Variants in POLN observed in about 807,000 individuals in gnomAD.
POLN encodes the protein DNA polymerase nu, also known as DNA polymerase N.
In POLN, 108 loss-of-function variants were observed where a neutral mutation model predicts 113.5. The ratio of observed to expected loss-of-function variants is 0.95; its 90% CI spans 0.81 to 1.12. The LOEUF is 1.12. POLN is among the 50% of genes most tolerant of loss of function. POLN has a pLI of 0.00. For missense variants in POLN, 1,097 were observed against 1,077.1 expected (o/e 1.02, Z -0.26); for synonymous variants, 386 against 391.5 (o/e 0.99, Z 0.17).
At chr4:2,179,569 T>A (rs1474998585) in intron 7 of POLN, 104 bp from the exon 8 acceptor site, 1 of 1,143,726 alleles carries the variant, frequency 8.7e-7, no homozygotes, top group Non-Finnish European at 1.3e-6. Context: ...AGTATTGTCA[T>A]CCTCTCAAAT....
intron 19 of POLN, among the ~76,000 whole-genome samples, chr4:2,121,122 G>C (rs1731428848): frequency 6.6e-6 from 1 of 151,974 alleles, no homozygotes; most frequent in Non-Finnish European, 1.5e-5. Context: ...TAGGGGGAAG[G>C]CATTCTTTCA....
intron 7 of POLN, among the ~76,000 whole-genome samples, chr4:2,184,511 C>T (rs1024158498): frequency 2.6e-5 from 4 of 152,098 alleles, no homozygotes; most frequent in Non-Finnish European, 5.9e-5. Flanking sequence ...TAAGTAAAAA[C>T]CCTGTCATCC....
At chr4:2,159,686 C>G (rs755302523) in intron 13 of POLN, among the ~76,000 whole-genome samples, 11 of 152,204 alleles carry the variant, frequency 7.2e-5, no homozygotes, top group African/African-American at 9.7e-5. Flanking sequence ...CAGCGAGCGA[C>G]GAAACATTCC....
intron 4 of POLN, 138 bp downstream of exon 4, chr4:2,212,909 T>C (rs1734026681): frequency 6.1e-6 from 3 of 492,602 alleles, no homozygotes. Flanking sequence ...CTATAAGTTC[T>C]TGGAGAGCAA....
At chr4:2,240,809 A>G (rs762430176) in intron 2 of POLN, 2 of 1,613,940 alleles carry the variant, frequency 1.2e-6, no homozygotes, top group South Asian at 2.2e-5. Flanking sequence ...GTTCATTCAC[A>G]TTCCCACAAA....
chr4:2,088,680 T>A, intron 20 of POLN: 1 of 840,274 alleles, frequency 1.2e-6, no homozygotes, highest in Non-Finnish European at 1.7e-6. Flanking sequence ...AATAAAAAGC[T>A]GTACAACAGC....
intron 24 of POLN, 151 bp from the exon 25 acceptor site, chr4:2,073,180 G>A (rs552105032): frequency 2.2e-5 from 15 of 696,378 alleles, no homozygotes; most frequent in Non-Finnish European, 3.6e-5. Context: ...CCAGCTGTGG[G>A]ACCTTAATGC....
chr4:2,147,214 G>T (rs1290253541), intron 16 of POLN, among the ~76,000 whole-genome samples: 1 of 152,312 alleles, frequency 6.6e-6, no homozygotes, highest in African/African-American at 2.4e-5. Context: ...TGGCACTGTA[G>T]TGAAATGAGG....
At chr4:2,153,321 A>C (rs1280279300) in intron 16 of POLN, among the ~76,000 whole-genome samples, 2 of 152,240 alleles carry the variant, frequency 1.3e-5, no homozygotes, top group African/African-American at 4.8e-5. Flanking sequence ...TCTAGGCTGC[A>C]ATCATGGGCT....
intron 18 of POLN, 63 bp from the exon 19 acceptor site, chr4:2,128,290 C>T: frequency 1.0e-6 from 1 of 978,266 alleles, no homozygotes; most frequent in South Asian, 1.4e-5. Context: ...GTTTGCTGCG[C>T]ACCCCGGCCA....
intron 21 of POLN, among the ~76,000 whole-genome samples, chr4:2,083,517 G>A (rs1049188213): frequency 2.0e-5 from 3 of 152,214 alleles, no homozygotes; most frequent in African/African-American, 7.2e-5. Flanking sequence ...CTCCCTTGTG[G>A]CCTAAGGCAG....
chr4:2,197,594 A>C (rs1339271234), intron 6 of POLN, among the ~76,000 whole-genome samples: 1 of 152,224 alleles, frequency 6.6e-6, no homozygotes, highest in Non-Finnish European at 1.5e-5. Flanking sequence ...CATCATCCAG[A>C]TATTAGGGCT....
In POLN at chr4:2,117,752, G is replaced by T. The variant is rs115618989; in HGVS notation, c.1982+10361C>A. 3.7e-3 allele frequency among the ~76,000 whole-genome samples: 564 copies of T among 152,322 alleles called. 5 individuals are homozygous for T. Among genetic ancestry groups the T allele is most frequent in the African/African-American group, 0.013 (541 of 41,568 alleles). ...AGGTCCTGGATTAGGCCCTTAATCT[G>T]CTCCCTTGGGAGTATCTTCCTAGTC... On this transcript the variant is annotated intron_variant, in intron 19 of 25. Transcript: ENST00000511885.
chr4:2,213,401 G>A (rs1426034573), intron 3 of POLN, among the ~76,000 whole-genome samples: 1 of 152,120 alleles, frequency 6.6e-6, no homozygotes, highest in African/African-American at 2.4e-5. Context: ...TTGAATACAT[G>A]ACTCTAAAAA....
intron 19 of POLN, among the ~76,000 whole-genome samples, chr4:2,122,662 A>G (rs1731473126): frequency 6.6e-6 from 1 of 152,220 alleles, no homozygotes. Flanking sequence ...CATTTTTGGA[A>G]AATTGTTTAG....
At chr4:2,171,077 A>G in intron 12 of POLN, 21 bp downstream of exon 12, 3 of 1,588,886 alleles carry the variant, frequency 1.9e-6, no homozygotes, top group Non-Finnish European at 2.6e-6. Flanking sequence ...ATTTTATGAA[A>G]GAACCAAAAT....
chr4:2,103,608 T>A (rs1434459582), intron 19 of POLN, among the ~76,000 whole-genome samples: 1 of 152,052 alleles, frequency 6.6e-6, no homozygotes, highest in Non-Finnish European at 1.5e-5. Flanking sequence ...GGCTCAGCAA[T>A]CCCCGGGAAA....
intron 16 of POLN, 69 bp downstream of exon 16, chr4:2,156,719 T>C (rs879106058): frequency 2.8e-5 from 35 of 1,265,324 alleles, no homozygotes; most frequent in East Asian, 1.6e-4. Context: ...CAAACACATA[T>C]GGAGAAAAAA....
At chr4:2,188,908 T>C (rs185072473) in intron 7 of POLN, among the ~76,000 whole-genome samples, 48 of 152,318 alleles carry the variant, frequency 3.2e-4, no homozygotes, top group African/African-American at 1.1e-3. Context: ...AAAGATTTTT[T>C]AGTTTTTCCT....
Sources: allele counts gnomAD v4.1 joint callset (sites outside exome capture counted in the v4.1 genomes callset), GRCh38; gene constraint gnomAD v4.1.1; transcripts MANE v1.5; gene names NCBI Gene and HGNC (gene_info 2026-07-23, HGNC 2026-07-21).